EXOC4: variants seen among roughly 807,000 people sequenced by gnomAD.
The protein encoded by EXOC4 is SEC8-like 1.
EXOC4 carries 71 observed loss-of-function variants against 107.2 expected under a neutral mutation model. That is an observed-to-expected ratio of 0.66 (90% CI 0.55 to 0.81). The LOEUF is 0.81. Among genes scored for constraint, EXOC4 ranks in the 30% least tolerant of loss-of-function variants. EXOC4 has a pLI of 0.00. For synonymous variants in EXOC4, 456 were observed against 441.2 expected (o/e 1.03, Z -0.42); for missense variants, 1,108 against 1,189.6 (o/e 0.93, Z 1.01).
chr7:133,518,361 A>ATT (rs367962950), intron 9 of EXOC4, among the ~76,000 whole-genome samples: 1 of 107,912 alleles, frequency 9.3e-6, no homozygotes, highest in African/African-American at 3.6e-5. Flanking sequence ...GCCCTCTCCT[A>ATT]TTTTTTTTTT....
chr7:133,906,792 C>T (rs1799576690), intron 12 of EXOC4, among the ~76,000 whole-genome samples: 1 of 152,232 alleles, frequency 6.6e-6, no homozygotes, highest in South Asian at 2.1e-4. Context: ...GGCCTATTGC[C>T]GCCCCCGATC....
At chr7:133,900,242 G>A (rs1799422151) in intron 12 of EXOC4, among the ~76,000 whole-genome samples, 1 of 152,084 alleles carries the variant, frequency 6.6e-6, no homozygotes, top group Middle Eastern at 3.2e-3. Context: ...GGGAAATATG[G>A]GACAAAGAAA....
intron 14 of EXOC4, among the ~76,000 whole-genome samples, chr7:133,939,176 TAGAA>T (rs781177542): frequency 6.6e-6 from 1 of 152,198 alleles, no homozygotes; most frequent in Non-Finnish European, 1.5e-5. Flanking sequence ...AGACAGTTAT[TAGAA>T]AGAAAACACA....
At chr7:133,326,262 TC>T (rs1795237944) in intron 5 of EXOC4, among the ~76,000 whole-genome samples, 2 of 152,376 alleles carry the variant, frequency 1.3e-5, no homozygotes, top group South Asian at 4.1e-4. Context: ...GGAGCTGCGT[TC>T]CTTTGGAGGG....
chr7:134,097,197 A>G, the EXOC4 span, among the ~76,000 whole-genome samples: 1 of 152,172 alleles, frequency 6.6e-6, no homozygotes, highest in Non-Finnish European at 1.5e-5. Flanking sequence ...TTGATTTAGT[A>G]CATCTGGAGT....
At chr7:133,939,518 C>G (rs10274077) in intron 14 of EXOC4, among the ~76,000 whole-genome samples, 2 of 152,010 alleles carry the variant, frequency 1.3e-5, no homozygotes, top group African/African-American at 4.8e-5. Context: ...TTTATTCTTA[C>G]GTCTTTTATT....
intron 8 of EXOC4, among the ~76,000 whole-genome samples, 175 bp downstream of exon 8, chr7:133,475,648 GT>G (rs918926465): frequency 1.3e-5 from 2 of 152,142 alleles, no homozygotes; most frequent in Admixed American, 6.5e-5. Context: ...TGAAGTGGTT[GT>G]TTTGGGTACA....
intron 7 of EXOC4, among the ~76,000 whole-genome samples, chr7:133,391,256 G>A (rs573042709): frequency 5.3e-4 from 81 of 152,296 alleles, no homozygotes; most frequent in African/African-American, 1.8e-3. Flanking sequence ...GAAGATGACG[G>A]CTGTCACCAA....
intron 7 of EXOC4, among the ~76,000 whole-genome samples, chr7:133,452,004 C>T (rs568346103): frequency 1.2e-4 from 18 of 152,284 alleles, no homozygotes; most frequent in Non-Finnish European, 2.2e-4. Context: ...TTTAATTGTA[C>T]GGTTCAGTAG....
chr7:133,679,480 A>G (rs1371434426), intron 10 of EXOC4, among the ~76,000 whole-genome samples: 1 of 151,988 alleles, frequency 6.6e-6, no homozygotes, highest in African/African-American at 2.4e-5. Flanking sequence ...AGCTGCTGAG[A>G]GCAGAGCCTT....
chr7:133,762,152 T>C (rs1796045888), intron 10 of EXOC4, among the ~76,000 whole-genome samples: 1 of 152,226 alleles, frequency 6.6e-6, no homozygotes, highest in Non-Finnish European at 1.5e-5. Flanking sequence ...TCTTTTCATG[T>C]ATGTATGTCT....
intron 11 of EXOC4, among the ~76,000 whole-genome samples, chr7:133,853,193 CTA>C (rs1017185349): frequency 1.3e-5 from 2 of 152,054 alleles, no homozygotes; most frequent in African/African-American, 2.4e-5. Context: ...TGGAGGGTAA[CTA>C]TGTGCTTATT....
intron 9 of EXOC4, among the ~76,000 whole-genome samples, chr7:133,497,163 T>A (rs1799493723): frequency 6.6e-6 from 1 of 152,164 alleles, no homozygotes; most frequent in African/African-American, 2.4e-5. Flanking sequence ...GATAAGATTG[T>A]GACCTTGCCT....
chr7:133,651,743 G>A (rs1341020574), intron 10 of EXOC4, among the ~76,000 whole-genome samples: 4 of 152,128 alleles, frequency 2.6e-5, no homozygotes, highest in Non-Finnish European at 4.4e-5. Flanking sequence ...AGAGTGCAGT[G>A]GCATGATCTC....
At chr7:133,734,535 C>A (rs369282807) in intron 10 of EXOC4, among the ~76,000 whole-genome samples, 2 of 149,012 alleles carry the variant, frequency 1.3e-5, no homozygotes, top group South Asian at 4.2e-4. Flanking sequence ...GAGGATTTTT[C>A]CCCCGGTTTC....
intron 14 of EXOC4, among the ~76,000 whole-genome samples, chr7:133,984,515 A>G (rs1425629311): frequency 6.6e-6 from 1 of 152,232 alleles, no homozygotes. Flanking sequence ...ATATAATGAA[A>G]AAAATGGTTA....
chr7:133,471,217 GC>G (rs1377457343), intron 7 of EXOC4, among the ~76,000 whole-genome samples: 13 of 152,080 alleles, frequency 8.5e-5, no homozygotes, highest in Non-Finnish European at 1.6e-4. Context: ...TTCAAGACCA[GC>G]CTGGCCAACA....
intron 10 of EXOC4, among the ~76,000 whole-genome samples, chr7:133,743,486 A>G (rs925669834): frequency 6.6e-6 from 1 of 152,194 alleles, no homozygotes; most frequent in African/African-American, 2.4e-5. Flanking sequence ...TACCTGTTTC[A>G]TGTCATCAGT....
intron 11 of EXOC4, among the ~76,000 whole-genome samples, chr7:133,864,407 T>C (rs1041683886): frequency 3.3e-5 from 5 of 152,194 alleles, no homozygotes; most frequent in African/African-American, 1.2e-4. Flanking sequence ...CTTCTCACTC[T>C]ACTACACCTC....
Sources: gnomAD v4.1 joint callset for allele counts (sites outside exome capture counted in the v4.1 genomes callset) on GRCh38, gnomAD v4.1.1 for gene constraint, MANE v1.5 for transcripts, NCBI Gene and HGNC (gene_info 2026-07-23, HGNC 2026-07-21) for gene names.